The following TMEM163 variants were observed in gnomAD, a reference collection of about 807,000 sequenced individuals.
TMEM163 encodes transmembrane protein 163.
A neutral mutation model predicts 29.3 loss-of-function variants in TMEM163; 17 were observed. The ratio of observed to expected loss-of-function variants is 0.58; its 90% CI spans 0.40 to 0.87. The LOEUF is 0.87. Among genes scored for constraint, TMEM163 ranks in the 40% least tolerant of loss-of-function variants. The pLI is 0.00. For missense variants in TMEM163, 303 were observed against 381.5 expected (o/e 0.79, Z 1.71); for synonymous variants, 157 against 160.6 (o/e 0.98, Z 0.17).
intron 2 of TMEM163, among the ~76,000 whole-genome samples, chr2:134,692,627 T>C (rs1684496089): frequency 6.6e-6 from 1 of 152,094 alleles, no homozygotes; most frequent in African/African-American, 2.4e-5. Flanking sequence ...CCTCACTGCG[T>C]CCTCACACGG....
intron 2 of TMEM163, among the ~76,000 whole-genome samples, chr2:134,703,912 T>G (rs1407581161): frequency 1.3e-5 from 2 of 152,174 alleles, no homozygotes; most frequent in Admixed American, 6.5e-5. Flanking sequence ...TTTTCAGCAT[T>G]TGTATATTTG....
chr2:134,644,234 A>AT lies in TMEM163; in HGVS notation c.322+68965dup, dbSNP rs1221018682. ...GAAAAGGCCATTGAATTCCAGAGAG[A>AT]TTTTTTTTCTAGATATAGAGGAGTT... On this transcript the variant is annotated intron_variant, in intron 2 of 7. Transcript: ENST00000281924. 2.6e-5 allele frequency among the ~76,000 whole-genome samples: 4 copies of AT among 152,124 alleles called. No individual in the cohort carries two copies. The South Asian group carries it at 6.2e-4, about 24-fold the overall frequency.
intron 1 of TMEM163, among the ~76,000 whole-genome samples, chr2:134,718,124 T>C (rs896174859): frequency 1.3e-5 from 2 of 152,218 alleles, no homozygotes; most frequent in African/African-American, 4.8e-5. Context: ...TGCCCCATCA[T>C]GAGACGACGG....
intron 2 of TMEM163, among the ~76,000 whole-genome samples, chr2:134,617,689 A>G (rs1318199610): frequency 6.6e-6 from 1 of 151,842 alleles, no homozygotes; most frequent in African/African-American, 2.4e-5. Flanking sequence ...AACGGGAACA[A>G]CAAAAAAAAT....
intron 4 of TMEM163, among the ~76,000 whole-genome samples, chr2:134,546,638 C>T (rs1191314650): frequency 7.2e-6 from 1 of 138,134 alleles, no homozygotes; most frequent in African/African-American, 2.8e-5. Flanking sequence ...AGCCAGGCTC[C>T]ATCTCAAAAA....
chr2:134,692,903 T>C (rs1378177606), intron 2 of TMEM163, among the ~76,000 whole-genome samples: 2 of 152,104 alleles, frequency 1.3e-5, no homozygotes, highest in Non-Finnish European at 2.9e-5. Context: ...ACTTCACCCA[T>C]CCACCACATT....
At chr2:134,695,685 A>G (rs1488305350) in intron 2 of TMEM163, among the ~76,000 whole-genome samples, 2 of 152,102 alleles carry the variant, frequency 1.3e-5, no homozygotes, top group Non-Finnish European at 2.9e-5. Context: ...TGAAGTTTCT[A>G]TTCATGGTTT....
intron 2 of TMEM163, among the ~76,000 whole-genome samples, chr2:134,708,794 T>C (rs1684869603): frequency 6.6e-6 from 1 of 152,100 alleles, no homozygotes; most frequent in African/African-American, 2.4e-5. Flanking sequence ...TTCACCATAT[T>C]GGCCAGGCTG....
chr2:134,565,767 A>G (rs1212464103), intron 2 of TMEM163, among the ~76,000 whole-genome samples: 1 of 152,276 alleles, frequency 6.6e-6, no homozygotes, highest in Non-Finnish European at 1.5e-5. Flanking sequence ...GTGAAATACA[A>G]CAATGACAAT....
chr2:134,629,322 C>T (rs1254472428), intron 2 of TMEM163, among the ~76,000 whole-genome samples: 1 of 152,172 alleles, frequency 6.6e-6, no homozygotes, highest in Non-Finnish European at 1.5e-5. Flanking sequence ...TTGTAATATA[C>T]CTCAAAAAAT....
chr2:134,656,501 C>T (rs565129517), intron 2 of TMEM163, among the ~76,000 whole-genome samples: 2,364 of 152,278 alleles, frequency 0.016, 45 homozygotes, highest in African/African-American at 0.054. Context: ...CAGAAATCAC[C>T]CGTCTTCTGC....
At chr2:134,682,143 T>C (rs1006670871) in intron 2 of TMEM163, among the ~76,000 whole-genome samples, 1 of 152,212 alleles carries the variant, frequency 6.6e-6, no homozygotes, top group African/African-American at 2.4e-5. Flanking sequence ...CTCCCAGGCA[T>C]GGTACATGGC....
chr2:134,534,337 C>T (rs182273291), intron 4 of TMEM163, among the ~76,000 whole-genome samples: 249 of 152,208 alleles, frequency 1.6e-3, no homozygotes, highest in African/African-American at 5.8e-3. Context: ...GAACAGCTAT[C>T]CAACCACAAA....
intron 2 of TMEM163, among the ~76,000 whole-genome samples, chr2:134,594,547 TA>T (rs1682018327): frequency 6.6e-6 from 1 of 151,798 alleles, no homozygotes; most frequent in Non-Finnish European, 1.5e-5. Flanking sequence ...CACAGCGGGA[TA>T]AAAACAAAGA....
At chr2:134,568,555 GAAAGAAAAGAAGGAAAAGAA>G (rs746011763) in intron 2 of TMEM163, among the ~76,000 whole-genome samples, 25 of 90,736 alleles carry the variant, frequency 2.8e-4, no homozygotes, top group East Asian at 5.5e-4. Context: ...GAAAGAAAAA[GAAAGAAAAGAAGGAAAAGAA>G]AAAGAAAAGA....
At chr2:134,598,364 TAGC>T (rs1682141408) in intron 2 of TMEM163, among the ~76,000 whole-genome samples, 6 of 152,198 alleles carry the variant, frequency 3.9e-5, no homozygotes, top group Non-Finnish European at 7.3e-5. Context: ...TAATAGTAGC[TAGC>T]ACTATGTACT....
intron 2 of TMEM163, among the ~76,000 whole-genome samples, chr2:134,599,558 A>T (rs10168762): frequency 5.3e-5 from 8 of 152,160 alleles, no homozygotes; most frequent in Non-Finnish European, 1.0e-4. Context: ...TCCAGTCTCC[A>T]GGACTATGAG....
chr2:134,516,720 T>TATGAATAGA (rs1491498232), intron 4 of TMEM163, among the ~76,000 whole-genome samples: 6 of 141,134 alleles, frequency 4.3e-5, no homozygotes, highest in Non-Finnish European at 7.8e-5. Context: ...TACATATATA[T>TATGAATAGA]TCATATATAT....
chr2:134,624,783 C>T (rs1682813167), intron 2 of TMEM163, among the ~76,000 whole-genome samples: 1 of 151,946 alleles, frequency 6.6e-6, no homozygotes, highest in Admixed American at 6.6e-5. Context: ...GTGGCATGAG[C>T]CTATAATCCT....
Sources: gnomAD v4.1 joint callset for allele counts (sites outside exome capture counted in the v4.1 genomes callset) on GRCh38, gnomAD v4.1.1 for gene constraint, MANE v1.5 for transcripts, NCBI Gene and HGNC (gene_info 2026-07-23, HGNC 2026-07-21) for gene names.